Variants in CORO2B observed in about 807,000 individuals in gnomAD.
The protein encoded by CORO2B is coronin-2B.
Under a neutral mutation model 58.8 loss-of-function variants are expected in CORO2B, and 26 were observed. The observed-to-expected ratio is 0.44, with a 90% CI of 0.32 to 0.61. The LOEUF is 0.61. Ranked by LOEUF, CORO2B falls within the 20% of genes least tolerant of loss-of-function variation. The probability of loss-of-function intolerance (pLI) is 0.04; values close to 1 mark genes in which losing one functional copy is unlikely to be tolerated. For missense variants in CORO2B, 460 were observed against 645.1 expected (o/e 0.71, Z 3.11); for synonymous variants, 242 against 253.8 (o/e 0.95, Z 0.44).
the CORO2B span, among the ~76,000 whole-genome samples, chr15:68,553,289 A>G: frequency 6.6e-6 from 1 of 152,226 alleles, no homozygotes; most frequent in African/African-American, 2.4e-5. Context: ...AAGGAACTCT[A>G]CAGATATAAT....
intron 8 of CORO2B, among the ~76,000 whole-genome samples, chr15:68,716,766 A>G (rs749414520): frequency 4.6e-5 from 7 of 152,094 alleles, no homozygotes; most frequent in Non-Finnish European, 8.8e-5. Context: ...GGCCAGAATG[A>G]GCCTGGCATG....
chr15:68,717,523 G>C (rs1893060410), intron 8 of CORO2B, among the ~76,000 whole-genome samples: 1 of 152,124 alleles, frequency 6.6e-6, no homozygotes, highest in Non-Finnish European at 1.5e-5. Flanking sequence ...GATATGGAGG[G>C]GTGGAGAGGA....
At chr15:68,592,576 A>T (rs1899733831) in intron 1 of CORO2B, among the ~76,000 whole-genome samples, 1 of 152,216 alleles carries the variant, frequency 6.6e-6, no homozygotes, top group Non-Finnish European at 1.5e-5. Flanking sequence ...TTTACATCTC[A>T]ATTAAAAATA....
chr15:68,589,948 T>C (rs1595954770), intron 1 of CORO2B, among the ~76,000 whole-genome samples: 1 of 152,072 alleles, frequency 6.6e-6, no homozygotes, highest in African/African-American at 2.4e-5. Context: ...GCTGCCCCCC[T>C]GGCCTCCACA....
At chr15:68,584,021 C>G (rs559180012) in intron 1 of CORO2B, among the ~76,000 whole-genome samples, 1 of 152,242 alleles carries the variant, frequency 6.6e-6, no homozygotes, top group Non-Finnish European at 1.5e-5. Flanking sequence ...AGCCAGCACC[C>G]TCTGAGCACC....
At chr15:68,529,553 T>G in the CORO2B span, among the ~76,000 whole-genome samples, 1 of 152,256 alleles carries the variant, frequency 6.6e-6, no homozygotes, top group Non-Finnish European at 1.5e-5. Context: ...TGTTATTATC[T>G]CTAGCATCTC....
chr15:68,709,625 TTTTG>T (rs1892868239), intron 3 of CORO2B, among the ~76,000 whole-genome samples: 1 of 152,042 alleles, frequency 6.6e-6, no homozygotes, highest in Non-Finnish European at 1.5e-5. Flanking sequence ...CCCGGCTAAT[TTTTG>T]TTTCTTTGGT....
At chr15:68,721,672 T>C (rs1485646126) in intron 11 of CORO2B, among the ~76,000 whole-genome samples, 1 of 152,162 alleles carries the variant, frequency 6.6e-6, no homozygotes, top group Non-Finnish European at 1.5e-5. Context: ...ACTTGGGGGT[T>C]CATGGTGCTA....
intron 2 of CORO2B, among the ~76,000 whole-genome samples, chr15:68,654,712 C>A (rs1901748539): frequency 6.6e-6 from 1 of 152,234 alleles, no homozygotes; most frequent in Non-Finnish European, 1.5e-5. Flanking sequence ...AAGCACTTAG[C>A]ACGTAGCCTG....
the CORO2B span, among the ~76,000 whole-genome samples, chr15:68,531,306 C>A: frequency 6.7e-6 from 1 of 148,964 alleles, no homozygotes; most frequent in Non-Finnish European, 1.5e-5. Flanking sequence ...CCTGGTGAAA[C>A]CTCATCTCAA....
intron 2 of CORO2B, among the ~76,000 whole-genome samples, chr15:68,687,201 G>A (rs1456028001): frequency 6.6e-6 from 1 of 152,234 alleles, no homozygotes; most frequent in East Asian, 1.9e-4. Flanking sequence ...AGCCCAGAGA[G>A]GCCAGGGGTT....
chr15:68,567,758 A>G, the CORO2B span, among the ~76,000 whole-genome samples: 1 of 152,240 alleles, frequency 6.6e-6, no homozygotes, highest in African/African-American at 2.4e-5. Flanking sequence ...ACGGTGGCTC[A>G]TGCCTGTAAT....
chr15:68,699,370 G>A (rs1892588072), intron 3 of CORO2B, among the ~76,000 whole-genome samples: 1 of 144,920 alleles, frequency 6.9e-6, no homozygotes, highest in Non-Finnish European at 1.5e-5. Context: ...CTGTGTGGAT[G>A]GAGGGGGTCA....
the CORO2B span, among the ~76,000 whole-genome samples, chr15:68,548,174 A>AATATATAT: frequency 6.5e-4 from 95 of 146,366 alleles, 1 homozygote; most frequent in Admixed American, 3.4e-3. Flanking sequence ...CCATCTTAAA[A>AATATATAT]ATATATATAT....
chr15:68,610,834 T>C (rs2140245332), intron 1 of CORO2B, among the ~76,000 whole-genome samples: 1 of 152,282 alleles, frequency 6.6e-6, no homozygotes, highest in Non-Finnish European at 1.5e-5. Context: ...AGCGTGGAAA[T>C]GAACCTTAGA....
At chr15:68,610,682 C>T (rs894029086) in intron 1 of CORO2B, among the ~76,000 whole-genome samples, 1 of 151,996 alleles carries the variant, frequency 6.6e-6, no homozygotes, top group African/African-American at 2.4e-5. Flanking sequence ...GTGTTGATTT[C>T]ACTTATTAAA....
chr15:68,667,058 C>A (rs1254377715), intron 2 of CORO2B, among the ~76,000 whole-genome samples: 1 of 152,090 alleles, frequency 6.6e-6, no homozygotes, highest in African/African-American at 2.4e-5. Flanking sequence ...TTCCCTCTCC[C>A]CAGGCTCCCC....
the CORO2B span, among the ~76,000 whole-genome samples, chr15:68,530,107 G>A: frequency 1.3e-5 from 2 of 152,086 alleles, no homozygotes; most frequent in African/African-American, 4.8e-5. Flanking sequence ...GGTGGATCAC[G>A]AGGTCAGGAG....
At chr15:68,651,044 A>G (rs1294273494) in intron 2 of CORO2B, among the ~76,000 whole-genome samples, 1 of 152,206 alleles carries the variant, frequency 6.6e-6, no homozygotes, top group Non-Finnish European at 1.5e-5. Flanking sequence ...ACAGAACTGC[A>G]GGACCCATAG....
Sources: allele counts gnomAD v4.1 joint callset (sites outside exome capture counted in the v4.1 genomes callset), GRCh38; gene constraint gnomAD v4.1.1; transcripts MANE v1.5; gene names NCBI Gene and HGNC (gene_info 2026-07-23, HGNC 2026-07-21).